The following TBL1X variants were observed in gnomAD, a reference collection of about 807,000 sequenced individuals.
TBL1X encodes F-box-like/WD repeat-containing protein TBL1X.
In TBL1X, 10 loss-of-function variants were observed where a neutral mutation model predicts 50.7. The ratio of observed to expected loss-of-function variants is 0.20; its 90% CI spans 0.12 to 0.33. The LOEUF (loss-of-function observed/expected upper bound fraction) is 0.33. Among genes scored for constraint, TBL1X ranks in the 10% least tolerant of loss-of-function variants. The pLI, the probability that TBL1X is intolerant of heterozygous loss-of-function variation, is 1.00. For missense variants in TBL1X, 340 were observed against 504.4 expected (o/e 0.67, Z 3.12); for synonymous variants, 190 against 214.7 (o/e 0.88, Z 1.01).
chrX:9,520,440 A>T (rs760286065), intron 2 of TBL1X, among the ~76,000 whole-genome samples: 6 of 111,351 alleles, frequency 5.4e-5, no homozygotes, highest in Admixed American at 9.6e-5. Flanking sequence ...GCTAGAGACC[A>T]GGGAGATGGG....
At chrX:9,667,216 C>T (rs769900961) in intron 5 of TBL1X, among the ~76,000 whole-genome samples, 2 of 111,482 alleles carry the variant, frequency 1.8e-5, no homozygotes, top group East Asian at 5.7e-4. Context: ...GAGCTGAGAT[C>T]GGCCACTGCA....
intron 5 of TBL1X, among the ~76,000 whole-genome samples, chrX:9,665,135 T>TC (rs902708384): frequency 9.1e-6 from 1 of 109,998 alleles, no homozygotes; most frequent in Admixed American, 9.8e-5. Flanking sequence ...AGAACTCAAA[T>TC]AGACGTTCAC....
chrX:9,466,974 T>A (rs1386781574), intron 1 of TBL1X, among the ~76,000 whole-genome samples: 2 of 111,832 alleles, frequency 1.8e-5, no homozygotes, highest in African/African-American at 6.5e-5. Context: ...ATTTGTGGTG[T>A]AGTGCTGCCA....
At chrX:9,577,122 G>C (rs1301295069) in intron 2 of TBL1X, among the ~76,000 whole-genome samples, 1 of 111,821 alleles carries the variant, frequency 8.9e-6, no homozygotes, top group Non-Finnish European at 1.9e-5. Flanking sequence ...CCATCAATTA[G>C]TCTTTTCCTG....
At chrX:9,675,398 C>T (rs192899058) in intron 5 of TBL1X, among the ~76,000 whole-genome samples, 1 of 111,478 alleles carries the variant, frequency 9.0e-6, no homozygotes, top group East Asian at 2.8e-4. Flanking sequence ...AGTTAGAAGC[C>T]GTTGATTCAT....
intron 1 of TBL1X, among the ~76,000 whole-genome samples, chrX:9,468,706 T>G (rs1283877775): frequency 9.0e-6 from 1 of 110,858 alleles, no homozygotes; most frequent in Non-Finnish European, 1.9e-5. Flanking sequence ...ACATTAATTT[T>G]CTCATTGAGA....
intron 6 of TBL1X, among the ~76,000 whole-genome samples, chrX:9,684,648 C>G (rs1164411946): frequency 9.9e-6 from 1 of 101,034 alleles, no homozygotes; most frequent in Non-Finnish European, 2.0e-5. Flanking sequence ...GGGTTCTTTT[C>G]CACTTTGTGT....
rs140681871 is a variant in TBL1X, at chrX:9,537,515, G to A, written c.-131+35666G>A. 5.4e-3 allele frequency among the ~76,000 whole-genome samples: 600 copies of A among 111,531 alleles called. 4 individuals carry two copies. Among genetic ancestry groups the A allele is most frequent in the African/African-American group, 0.018 (544 of 30,670 alleles). The stretch of plus-strand genomic sequence containing the variant: ...CCTCCCCACAGCCCCAGCAACCAAC[G>A]TTCTACTTTCTCTCTCTATGATTTT... On this transcript the variant is annotated intron_variant, in intron 2 of 17. Coordinates refer to ENST00000645353, the MANE Select transcript of TBL1X (RefSeq NM_005647.4).
At chrX:9,600,755 G>A (rs1293772882) in intron 2 of TBL1X, among the ~76,000 whole-genome samples, 1 of 111,799 alleles carries the variant, frequency 8.9e-6, no homozygotes, top group Non-Finnish European at 1.9e-5. Context: ...GTCTGATTGG[G>A]TAGGACAGGC....
intron 2 of TBL1X, among the ~76,000 whole-genome samples, chrX:9,528,395 C>T (rs2082142781): frequency 9.0e-6 from 1 of 111,114 alleles, no homozygotes; most frequent in South Asian, 3.8e-4. Context: ...AACTTCACTT[C>T]CCATTTGAAG....
At chrX:9,618,113 G>T (rs963625974) in intron 2 of TBL1X, among the ~76,000 whole-genome samples, 1 of 111,962 alleles carries the variant, frequency 8.9e-6, no homozygotes, top group Non-Finnish European at 1.9e-5. Flanking sequence ...GGAATAAATA[G>T]GTAAATGCAT....
chrX:9,527,897 T>C (rs1191865908), intron 2 of TBL1X, among the ~76,000 whole-genome samples: 1 of 110,882 alleles, frequency 9.0e-6, no homozygotes, highest in Admixed American at 9.6e-5. Context: ...GATCCTCCCA[T>C]GTCAGCCTCC....
chrX:9,619,109 G>A (rs1346850170), intron 2 of TBL1X, among the ~76,000 whole-genome samples: 1 of 112,217 alleles, frequency 8.9e-6, no homozygotes, highest in African/African-American at 3.2e-5. Context: ...AACTCATGAT[G>A]TAAGCCCATA....
intron 2 of TBL1X, among the ~76,000 whole-genome samples, chrX:9,558,373 C>T (rs1228678517): frequency 2.7e-5 from 3 of 110,433 alleles, no homozygotes; most frequent in Non-Finnish European, 5.7e-5. Flanking sequence ...CAAAATTAGC[C>T]GGGCGTAGTG....
chrX:9,562,052 G>A (rs2082327245), intron 2 of TBL1X, among the ~76,000 whole-genome samples: 1 of 112,181 alleles, frequency 8.9e-6, no homozygotes, highest in African/African-American at 3.2e-5. Context: ...GCAAAATGTG[G>A]AGACAGTGCT....
chrX:9,568,518 G>A (rs759607610), intron 2 of TBL1X, among the ~76,000 whole-genome samples: 1 of 111,181 alleles, frequency 9.0e-6, no homozygotes, highest in East Asian at 2.8e-4. Context: ...TCTGCGTGGT[G>A]TACTGTGTGT....
At chrX:9,573,491 G>A (rs2082395699) in intron 2 of TBL1X, among the ~76,000 whole-genome samples, 1 of 112,683 alleles carries the variant, frequency 8.9e-6, no homozygotes, top group South Asian at 3.6e-4. Flanking sequence ...TATTAATCTT[G>A]TATGAAATTC....
At chrX:9,518,678 GGCT>G (rs2146964201) in intron 2 of TBL1X, among the ~76,000 whole-genome samples, 1 of 111,374 alleles carries the variant, frequency 9.0e-6, no homozygotes, top group South Asian at 3.8e-4. Context: ...GAAGAGAGGA[GGCT>G]GGGTCATCTG....
At chrX:9,603,318 A>G (rs1715837068) in intron 2 of TBL1X, among the ~76,000 whole-genome samples, 1 of 112,266 alleles carries the variant, frequency 8.9e-6, no homozygotes, top group African/African-American at 3.2e-5. Flanking sequence ...TGTTTTTAGA[A>G]TAATTAGCTA....
Sources: gnomAD v4.1 joint callset for allele counts (sites outside exome capture counted in the v4.1 genomes callset) on GRCh38, gnomAD v4.1.1 for gene constraint, MANE v1.5 for transcripts, NCBI Gene and HGNC (gene_info 2026-07-23, HGNC 2026-07-21) for gene names.